Variants in DAB1 observed in about 807,000 individuals in gnomAD.
The protein encoded by DAB1 is disabled homolog 1.
In DAB1, 15 loss-of-function variants were observed where a neutral mutation model predicts 64.6. The ratio of observed to expected loss-of-function variants is 0.23; its 90% CI spans 0.16 to 0.36. The LOEUF (loss-of-function observed/expected upper bound fraction) is 0.36. Among genes scored for constraint, DAB1 ranks in the 10% least tolerant of loss-of-function variants. DAB1 has a pLI of 1.00. For missense variants in DAB1, 596 were observed against 706.7 expected (o/e 0.84, Z 1.78); for synonymous variants, 235 against 251.9 (o/e 0.93, Z 0.64).
intron 3 of DAB1, among the ~76,000 whole-genome samples, chr1:58,376,154 AG>A (rs1210625778): frequency 1.3e-5 from 2 of 151,700 alleles, no homozygotes; most frequent in Non-Finnish European, 1.5e-5. Context: ...GATTTTTTGA[AG>A]GGGTTTTTTT....
chr1:57,027,362 T>G (rs1375384936), intron 9 of DAB1, among the ~76,000 whole-genome samples: 1 of 152,182 alleles, frequency 6.6e-6, no homozygotes, highest in Non-Finnish European at 1.5e-5. Flanking sequence ...AGGTAGCCCC[T>G]CCAGCACAAC....
intron 5 of DAB1, among the ~76,000 whole-genome samples, chr1:57,974,785 T>C (rs1445071784): frequency 6.6e-6 from 1 of 152,182 alleles, no homozygotes; most frequent in Admixed American, 6.5e-5. Flanking sequence ...ACATTTGTTA[T>C]GTATACCACA....
intron 4 of DAB1, among the ~76,000 whole-genome samples, chr1:58,316,819 C>T (rs1421228790): frequency 1.3e-5 from 2 of 152,310 alleles, no homozygotes; most frequent in African/African-American, 4.8e-5. Context: ...GTACCTCACA[C>T]TGGCATTGAG....
chr1:58,101,523 G>A (rs1651323273), intron 5 of DAB1, among the ~76,000 whole-genome samples: 2 of 152,070 alleles, frequency 1.3e-5, no homozygotes, highest in African/African-American at 4.8e-5. Flanking sequence ...AGTGGATGAG[G>A]GAGCCTGCTT....
intron 6 of DAB1, among the ~76,000 whole-genome samples, chr1:57,812,530 G>A (rs1268938243): frequency 3.3e-5 from 5 of 152,050 alleles, no homozygotes; most frequent in African/African-American, 7.2e-5. Flanking sequence ...TGTTAGCAAG[G>A]GAACAGACCC....
rs921456509 is a variant in DAB1 at position 58,531,226 on chromosome 1, A to G, written n.33-3891T>C. On this transcript the variant is annotated intron_variant and non_coding_transcript_variant, in intron 1 of 20. Coordinates refer to the DAB1 transcript ENST00000485760. ...ATAAAGACTAAACACTACCTAACAT[A>G]TGAAGCACTTAAAACAAGAAAAAAT... Among the ~76,000 whole-genome samples, 7 of 152,330 alleles carry G rather than the reference A, an allele frequency of 4.6e-5. No homozygotes were observed. The East Asian group carries it at 1.3e-3, about 29-fold the overall frequency.
At chr1:57,243,187 C>T (rs17115451) in intron 2 of DAB1, among the ~76,000 whole-genome samples, 5,530 of 152,212 alleles carry the variant, frequency 0.036, 343 homozygotes, top group African/African-American at 0.13. Flanking sequence ...CATGATGGAT[C>T]AATACTTACA....
chr1:57,318,394 G>A (rs534410180), intron 1 of DAB1, among the ~76,000 whole-genome samples: 1 of 152,202 alleles, frequency 6.6e-6, no homozygotes, highest in South Asian at 2.1e-4. Flanking sequence ...ACAACTTTAT[G>A]CCCTTTAGAT....
chr1:58,011,062 G>A lies in DAB1; in HGVS notation n.388-126900C>T, dbSNP rs147216587. Among the ~76,000 whole-genome samples, 1,126 of 152,270 alleles carry A rather than the reference G, an allele frequency of 7.4e-3. 5 individuals are homozygous for A. Among genetic ancestry groups the A allele is most frequent in the Non-Finnish European group, 0.012 (811 of 68,026 alleles). On this transcript the variant is annotated intron_variant and non_coding_transcript_variant, in intron 5 of 20. Coordinates refer to the DAB1 transcript ENST00000485760. ...GAGATCCTACCCAAATGTTAGTTAT[G>A]AGACTGATGGGAAATCTCCCTGATC...
chr1:57,412,892 A>G (rs768525196), intron 1 of DAB1, among the ~76,000 whole-genome samples: 2 of 152,246 alleles, frequency 1.3e-5, no homozygotes, highest in Non-Finnish European at 1.5e-5. Flanking sequence ...CAAATTTTCA[A>G]TGTAGACAAA....
chr1:57,391,713 G>A (rs1409266311), intron 1 of DAB1, among the ~76,000 whole-genome samples: 2 of 151,150 alleles, frequency 1.3e-5, no homozygotes, highest in African/African-American at 4.9e-5. Flanking sequence ...CTGGAGCAAT[G>A]TTGCCCTAAT....
At chr1:58,382,687 C>G (rs766213076) in intron 3 of DAB1, among the ~76,000 whole-genome samples, 51 of 152,158 alleles carry the variant, frequency 3.4e-4, no homozygotes, top group Non-Finnish European at 6.9e-4. Context: ...GACTTTAAAG[C>G]TTTTTAAAAG....
At chr1:58,211,815 TA>T (rs1445443371) in intron 4 of DAB1, among the ~76,000 whole-genome samples, 1 of 152,206 alleles carries the variant, frequency 6.6e-6, no homozygotes, top group Non-Finnish European at 1.5e-5. Flanking sequence ...ATGGGATTCA[TA>T]GTCAGCTCTG....
intron 2 of DAB1, among the ~76,000 whole-genome samples, chr1:57,209,996 T>G (rs972433596): frequency 1.3e-5 from 2 of 152,242 alleles, no homozygotes; most frequent in African/African-American, 2.4e-5. Context: ...ACAAACTGTG[T>G]GACCTTACTT....
intron 5 of DAB1, among the ~76,000 whole-genome samples, chr1:57,947,676 A>AG (rs56173538): frequency 0.4 from 61,149 of 151,774 alleles, 13,408 homozygotes; most frequent in Admixed American, 0.51. Context: ...TGCAAAGATC[A>AG]TGAACTAAGG....
rs146349545 is a variant in DAB1, at chr1:57,518,188, G to GTCATCATCA, written n.625+131395_625+131403dup. 4.0e-4 allele frequency among the ~76,000 whole-genome samples: 60 copies of GTCATCATCA among 151,604 alleles called. 1 individual carries two copies. Among genetic ancestry groups the GTCATCATCA allele is most frequent in the African/African-American group, 1.4e-3 (57 of 41,226 alleles). On this transcript the variant is annotated intron_variant and non_coding_transcript_variant, in intron 7 of 20. Transcript: ENST00000485760. ...TGTGCTAAACTTAATTGTCGTTGTCGTCATCATCATCATCATCATCATCAT... is the reference window on the plus strand; with the variant it reads ...TGTGCTAAACTTAATTGTCGTTGTCGTCATCATCATCATCATCATCATCATCATCATCAT...
intron 3 of DAB1, among the ~76,000 whole-genome samples, chr1:58,491,919 TA>T (rs1645700218): frequency 6.6e-6 from 1 of 152,178 alleles, no homozygotes; most frequent in Non-Finnish European, 1.5e-5. Flanking sequence ...GTGGACCTAA[TA>T]GACATCTACA....
intron 4 of DAB1, among the ~76,000 whole-genome samples, chr1:58,165,049 T>A (rs1215651555): frequency 6.6e-6 from 1 of 152,136 alleles, no homozygotes; most frequent in Non-Finnish European, 1.5e-5. Context: ...CATTTCCACA[T>A]GGAAACAAAA....
At chr1:58,369,482 G>A (rs562257835) in intron 3 of DAB1, among the ~76,000 whole-genome samples, 119 of 152,220 alleles carry the variant, frequency 7.8e-4, no homozygotes, top group African/African-American at 2.4e-3. Context: ...ATAATGGTGC[G>A]TCTTATAATC....
Sources: gnomAD v4.1 joint callset for allele counts (sites outside exome capture counted in the v4.1 genomes callset) on GRCh38, gnomAD v4.1.1 for gene constraint, MANE v1.5 for transcripts, NCBI Gene and HGNC (gene_info 2026-07-23, HGNC 2026-07-21) for gene names.